Variants in ADK observed in about 807,000 individuals in gnomAD.
ADK encodes N6,N6-dimethyladenosine kinase.
A neutral mutation model predicts 44.7 loss-of-function variants in ADK; 24 were observed. The ratio of observed to expected loss-of-function variants is 0.54; its 90% CI spans 0.39 to 0.76. ADK has a LOEUF of 0.76. ADK is among the 30% of genes least tolerant of loss of function. The probability of loss-of-function intolerance (pLI) is 0.00; values close to 1 mark genes in which losing one functional copy is unlikely to be tolerated. For missense variants in ADK, 321 were observed against 425.1 expected, an observed-to-expected ratio of 0.76 and a Z score of 2.15; for synonymous variants, 128 against 142.6, an observed-to-expected ratio of 0.90 and a Z score of 0.73.
intron 4 of ADK, among the ~76,000 whole-genome samples, chr10:74,349,733 A>G (rs1329496564): frequency 6.6e-6 from 1 of 152,062 alleles, no homozygotes; most frequent in East Asian, 1.9e-4. Flanking sequence ...TACCAAGCAA[A>G]TGGAAAGCAA....
intron 3 of ADK, among the ~76,000 whole-genome samples, chr10:74,302,109 G>GTTTTTTTTTTTTTTTTTTTTTTTTTTT (rs1172807289): frequency 3.8e-4 from 5 of 13,040 alleles, no homozygotes; most frequent in Admixed American, 1.1e-3. Context: ...TTGTTTGTTT[G>GTTTTTTTTTTTTTTTTTTTTTTTTTTT]TTTTTTTTTT....
At chr10:74,275,035 C>T (rs1025347368) in intron 3 of ADK, among the ~76,000 whole-genome samples, 6 of 151,640 alleles carry the variant, frequency 4.0e-5, no homozygotes, top group African/African-American at 1.2e-4. Flanking sequence ...AGGTGGGAGG[C>T]AGACATTGTG....
At chr10:74,684,371 A>C (rs1423617071) in intron 10 of ADK, among the ~76,000 whole-genome samples, 1 of 152,232 alleles carries the variant, frequency 6.6e-6, no homozygotes, top group African/African-American at 2.4e-5. Context: ...ACATAATTAG[A>C]ACCAAAACCA....
At chr10:74,560,528 T>A (rs1177278200) in intron 7 of ADK, among the ~76,000 whole-genome samples, 1 of 152,256 alleles carries the variant, frequency 6.6e-6, no homozygotes, top group Non-Finnish European at 1.5e-5. Flanking sequence ...GATTAGCAGC[T>A]AATTCTGAAT....
intron 6 of ADK, among the ~76,000 whole-genome samples, chr10:74,402,014 G>A (rs1285357876): frequency 6.6e-6 from 1 of 152,148 alleles, no homozygotes; most frequent in Non-Finnish European, 1.5e-5. Flanking sequence ...AGTTTGGCTC[G>A]ATATGAATTT....
Position 74,515,502 on chromosome 10 carries a change from C to T in ADK, c.556-9754C>T, listed in dbSNP as rs377528760. On this transcript the variant is annotated intron_variant, in intron 6 of 10. Transcript: ENST00000539909. ...TGCCTGCCAGGAGCAGCTTTCAGGT[C>T]GGGGACGTGGGCTTTTGGCCACTTG... Among the ~76,000 whole-genome samples the T allele has an allele frequency of 2.6e-4, 40 of 152,238 alleles. 2 individuals carry two copies. Among genetic ancestry groups the T allele is most frequent in the African/African-American group, 7.9e-4 (33 of 41,542 alleles).
At chr10:74,510,895 A>G (rs1225457518) in intron 6 of ADK, among the ~76,000 whole-genome samples, 2 of 152,092 alleles carry the variant, frequency 1.3e-5, no homozygotes, top group African/African-American at 2.4e-5. Context: ...TTTTGTAGAG[A>G]TAGGGTTTCA....
intron 3 of ADK, among the ~76,000 whole-genome samples, chr10:74,239,390 C>A (rs1845104836): frequency 6.6e-6 from 1 of 152,024 alleles, no homozygotes. Context: ...TGGATGAAGA[C>A]AATGGCTATG....
intron 9 of ADK, among the ~76,000 whole-genome samples, chr10:74,648,703 A>T (rs774668345): frequency 9.2e-5 from 14 of 152,076 alleles, no homozygotes; most frequent in Admixed American, 1.3e-4. Flanking sequence ...AGTGCCTAAA[A>T]CAATAATTAT....
chr10:74,298,504 G>T (rs372737664), intron 3 of ADK, among the ~76,000 whole-genome samples: 3 of 152,102 alleles, frequency 2.0e-5, no homozygotes, highest in Non-Finnish European at 4.4e-5. Context: ...TGTAACCCCA[G>T]CATTTTGGGA....
intron 1 of ADK, among the ~76,000 whole-genome samples, chr10:74,156,223 A>G (rs1343167539): frequency 2.0e-5 from 3 of 152,212 alleles, no homozygotes; most frequent in East Asian, 1.9e-4. Context: ...TATGTTTCTT[A>G]TTTTGGGTAC....
At chr10:74,515,151 G>A (rs1848513320) in intron 6 of ADK, among the ~76,000 whole-genome samples, 1 of 152,316 alleles carries the variant, frequency 6.6e-6, no homozygotes, top group African/African-American at 2.4e-5. Flanking sequence ...GAATACGAAT[G>A]AGTCTTGGGT....
At chr10:74,533,531 C>T (rs1025244371) in intron 7 of ADK, among the ~76,000 whole-genome samples, 1 of 152,262 alleles carries the variant, frequency 6.6e-6, no homozygotes, top group African/African-American at 2.4e-5. Flanking sequence ...AGGAAGAAAA[C>T]AGTCTTTTTG....
intron 3 of ADK, among the ~76,000 whole-genome samples, chr10:74,253,108 G>T (rs986810585): frequency 6.6e-6 from 1 of 152,174 alleles, no homozygotes; most frequent in African/African-American, 2.4e-5. Flanking sequence ...AGCCCGTGAG[G>T]GTTCTTGGCT....
intron 4 of ADK, among the ~76,000 whole-genome samples, chr10:74,389,277 A>T (rs1009160033): frequency 3.3e-5 from 5 of 152,212 alleles, no homozygotes; most frequent in African/African-American, 1.2e-4. Flanking sequence ...ATCCTGGAGA[A>T]TCAAAATCTA....
At chr10:74,414,992 T>G (rs1047152295) in intron 6 of ADK, among the ~76,000 whole-genome samples, 1 of 152,220 alleles carries the variant, frequency 6.6e-6, no homozygotes, top group Non-Finnish European at 1.5e-5. Flanking sequence ...TTATTTTTCA[T>G]TACACGGACT....
At position 74,208,947 on chromosome 10, in the gene ADK, G is replaced by A. The variant is rs367974527; in HGVS notation, c.140+8109G>A. On this transcript the variant is annotated intron_variant, in intron 2 of 10. Transcript: ENST00000539909. ...AGACAGGGTTTCACCATGTTGGCCA[G>A]GGTGGTCTCGAACTCCTGACCTCTG... Among the ~76,000 whole-genome samples the A allele has an allele frequency of 3.8e-4, 58 of 152,220 alleles. 2 individuals are homozygous for A. The highest frequency in any genetic ancestry group is 1.4e-3 in the African/African-American group (57 of 41,508).
At chr10:74,432,600 T>G (rs1010510001) in intron 6 of ADK, among the ~76,000 whole-genome samples, 1 of 152,206 alleles carries the variant, frequency 6.6e-6, no homozygotes, top group Non-Finnish European at 1.5e-5. Context: ...CTTCATCAGT[T>G]CCATGCATAC....
chr10:74,469,887 G>C (rs1430027531), intron 6 of ADK, among the ~76,000 whole-genome samples: 3 of 152,032 alleles, frequency 2.0e-5, no homozygotes, highest in Non-Finnish European at 4.4e-5. Context: ...ATGGTTTATG[G>C]CTGGCTTTTT....
Sources: gnomAD v4.1 joint callset for allele counts (sites outside exome capture counted in the v4.1 genomes callset) on GRCh38, gnomAD v4.1.1 for gene constraint, MANE v1.5 for transcripts, NCBI Gene and HGNC (gene_info 2026-07-23, HGNC 2026-07-21) for gene names.